Variants in KCNQ3 observed in about 807,000 individuals in gnomAD.
KCNQ3 encodes potassium voltage-gated channel subfamily KQT member 3.
KCNQ3 carries 30 observed loss-of-function variants against 92.5 expected under a neutral mutation model. The observed-to-expected ratio is 0.32, with a 90% CI of 0.24 to 0.44. The LOEUF (loss-of-function observed/expected upper bound fraction) is 0.44. KCNQ3 is among the 20% of genes least tolerant of loss of function. The pLI, the probability that KCNQ3 is intolerant of heterozygous loss-of-function variation, is 1.00. For synonymous variants in KCNQ3, 450 were observed against 468.8 expected (o/e 0.96, Z 0.52); for missense variants, 913 against 1,140.3 (o/e 0.80, Z 2.87).
chr8:132,340,073 G>A (rs557328346), intron 1 of KCNQ3, among the ~76,000 whole-genome samples: 15 of 152,134 alleles, frequency 9.9e-5, no homozygotes, highest in South Asian at 6.2e-4. Context: ...ACCATCTCAC[G>A]CCAGTTAGAA....
At chr8:132,379,307 T>C (rs557487859) in intron 1 of KCNQ3, among the ~76,000 whole-genome samples, 3 of 35,294 alleles carry the variant, frequency 8.5e-5, no homozygotes, top group Admixed American at 5.6e-4. Context: ...ATTAGCTCTA[T>C]TTTTTTTTCA....
intron 1 of KCNQ3, among the ~76,000 whole-genome samples, chr8:132,296,359 G>T (rs1196589832): frequency 6.6e-6 from 1 of 151,744 alleles, no homozygotes; most frequent in Non-Finnish European, 1.5e-5. Context: ...TTTGAGCTTT[G>T]GTCTTTCTGA....
chr8:132,232,642 G>C (rs148225894), intron 1 of KCNQ3, among the ~76,000 whole-genome samples: 557 of 152,300 alleles, frequency 3.7e-3, no homozygotes, highest in Non-Finnish European at 6.2e-3. Flanking sequence ...ATCTAGAACA[G>C]AGCATTCAAA....
chr8:132,328,998 G>A lies in KCNQ3; in HGVS notation c.387-142817C>T, dbSNP rs551543221. 9.9e-5 allele frequency among the ~76,000 whole-genome samples: 15 copies of A among 152,226 alleles called. No individual in the cohort carries two copies. The South Asian group carries it at 1.5e-3, about 15-fold the overall frequency. Reference sequence around the variant, plus strand: ...CAGTTACTGAGCTCTTTACTATCACGTTCAGCAGGTACGCGCTGAGTGCCT... The same window carrying A: ...CAGTTACTGAGCTCTTTACTATCACATTCAGCAGGTACGCGCTGAGTGCCT... On this transcript the variant is annotated intron_variant, in intron 1 of 14. Coordinates refer to ENST00000388996, the MANE Select transcript of KCNQ3 (RefSeq NM_004519.4).
At chr8:132,136,118 CAAAAAAAAAAAAAAAAAAAA>C (rs67331428) in intron 12 of KCNQ3, among the ~76,000 whole-genome samples, 1 of 40,018 alleles carries the variant, frequency 2.5e-5, no homozygotes, top group Non-Finnish European at 3.9e-5. Context: ...GACTCCATCT[CAAAAAAAAAAAAAAAAAAAA>C]AAAAAAAAGA....
chr8:132,376,656 T>G (rs914395145), intron 1 of KCNQ3, among the ~76,000 whole-genome samples: 6 of 152,260 alleles, frequency 3.9e-5, no homozygotes, highest in Admixed American at 1.3e-4. Context: ...TTTTGACACC[T>G]GCAAATTGTA....
intron 9 of KCNQ3, among the ~76,000 whole-genome samples, chr8:132,157,829 G>T (rs926463836): frequency 3.3e-5 from 5 of 151,572 alleles, no homozygotes; most frequent in Admixed American, 3.3e-4. Flanking sequence ...CCTGCCCCTT[G>T]CCCCCCATCC....
chr8:132,364,690 C>CGGATGGAT (rs879016668), intron 1 of KCNQ3, among the ~76,000 whole-genome samples: 3,085 of 147,630 alleles, frequency 0.021, 35 homozygotes, highest in African/African-American at 0.031. Context: ...GACGGACGGA[C>CGGATGGAT]GGACGGATGG....
chr8:132,298,726 G>A (rs1029960872), intron 1 of KCNQ3, among the ~76,000 whole-genome samples: 2 of 152,136 alleles, frequency 1.3e-5, no homozygotes, highest in African/African-American at 4.8e-5. Flanking sequence ...GGCCAACATG[G>A]TGAAAACCCA....
chr8:132,184,274 G>A lies in KCNQ3; in HGVS notation c.571C>T (p.Leu191=). The stretch of plus-strand genomic sequence containing the variant: ...CACAGGGGCTTCCTGGCAAACTTCA[G>A]TCGGCCCCGCCAGCCTTTGTATCGG... The part of the protein sequence containing the change: ...CCRYKGWRGR[L]KFARKPLCML... Residue 191 remains leucine (L), a synonymous_variant, in exon 3 of 15, where the codon CTG becomes TTG. Transcript: ENST00000388996. The A allele has an allele frequency of 6.2e-7, 1 of 1,614,184 alleles. No individual in the cohort carries two copies. Among genetic ancestry groups the A allele is most frequent in the South Asian group, 1.1e-5 (1 of 91,078 alleles).
chr8:132,349,731 T>C (rs1350399125), intron 1 of KCNQ3, among the ~76,000 whole-genome samples: 1 of 152,188 alleles, frequency 6.6e-6, no homozygotes, highest in Admixed American at 6.5e-5. Context: ...AAGCCCAGCC[T>C]TGTTTAAGCA....
chr8:132,329,642 C>T (rs991682755), intron 1 of KCNQ3, among the ~76,000 whole-genome samples: 1 of 152,194 alleles, frequency 6.6e-6, no homozygotes, highest in African/African-American at 2.4e-5. Flanking sequence ...ACTAACCATG[C>T]CAAGCCTCTG....
intron 1 of KCNQ3, among the ~76,000 whole-genome samples, chr8:132,450,312 A>T (rs1821792308): frequency 2.0e-5 from 3 of 152,144 alleles, no homozygotes. Flanking sequence ...CAGAGTGCTG[A>T]TTGTGCATTT....
chr8:132,384,463 C>A (rs908524174), intron 1 of KCNQ3, among the ~76,000 whole-genome samples: 1 of 152,076 alleles, frequency 6.6e-6, no homozygotes, highest in African/African-American at 2.4e-5. Context: ...AGGTCATGTA[C>A]AATGGAAGAT....
intron 1 of KCNQ3, among the ~76,000 whole-genome samples, chr8:132,414,128 G>C (rs1002589473): frequency 4.6e-5 from 7 of 152,170 alleles, no homozygotes; most frequent in Admixed American, 3.3e-4. Flanking sequence ...ACACGCTGTT[G>C]GGAGCTTAAC....
intron 1 of KCNQ3, among the ~76,000 whole-genome samples, chr8:132,336,906 G>A (rs1256899253): frequency 6.6e-6 from 1 of 152,172 alleles, no homozygotes; most frequent in Non-Finnish European, 1.5e-5. Context: ...TAGCCAATGG[G>A]CCTCTACAGG....
At chr8:132,376,990 G>C (rs993453823) in intron 1 of KCNQ3, among the ~76,000 whole-genome samples, 1 of 152,208 alleles carries the variant, frequency 6.6e-6, no homozygotes, top group African/African-American at 2.4e-5. Context: ...AGGAGAGAGA[G>C]AGGAAAAGGG....
intron 1 of KCNQ3, among the ~76,000 whole-genome samples, chr8:132,450,543 G>C (rs150898731): frequency 3.2e-4 from 48 of 152,294 alleles, no homozygotes; most frequent in Non-Finnish European, 6.3e-4. Flanking sequence ...CAGGAAAACA[G>C]CTTCATGATT....
At chr8:132,356,944 A>T (rs776852814) in intron 1 of KCNQ3, among the ~76,000 whole-genome samples, 1 of 152,182 alleles carries the variant, frequency 6.6e-6, no homozygotes, top group Non-Finnish European at 1.5e-5. Context: ...AATATGTGCC[A>T]GACTTGAGGT....
Sources: allele counts gnomAD v4.1 joint callset (sites outside exome capture counted in the v4.1 genomes callset), GRCh38; gene constraint gnomAD v4.1.1; transcripts MANE v1.5; gene names NCBI Gene and HGNC (gene_info 2026-07-23, HGNC 2026-07-21).